The following DMBT1 variants were observed in gnomAD, a reference collection of about 807,000 sequenced individuals.
DMBT1 encodes the protein scavenger receptor cysteine-rich domain-containing protein DMBT1.
DMBT1 carries 198 observed loss-of-function variants against 252.9 expected under a neutral mutation model. The observed-to-expected ratio is 0.78, with a 90% confidence interval of 0.70 to 0.88. The LOEUF is 0.88. Among genes scored for constraint, DMBT1 ranks in the 40% least tolerant of loss-of-function variants. The pLI is 0.00. For missense variants in DMBT1, 2,432 were observed against 2,404.7 expected (o/e 1.01, Z -0.24); for synonymous variants, 990 against 942.7 (o/e 1.05, Z -0.92).
chr10:122,619,432 A>G, intron 42 of DMBT1, 95 bp downstream of exon 42: 1 of 1,522,974 alleles, frequency 6.6e-7, no homozygotes, highest in South Asian at 1.1e-5. Context: ...TTCTGTGCGG[A>G]TACTGTGGGG....
At chr10:122,587,206 C>G (rs2097797524) in intron 16 of DMBT1, among the ~76,000 whole-genome samples, 1 of 148,270 alleles carries the variant, frequency 6.7e-6, no homozygotes, top group Admixed American at 6.7e-5. Context: ...GAGGTGGATG[C>G]AGCACATATA....
intron 41 of DMBT1, among the ~76,000 whole-genome samples, chr10:122,618,824 T>C (rs112046689): frequency 0.058 from 8,897 of 152,346 alleles, 302 homozygotes; most frequent in South Asian, 0.13. Flanking sequence ...GCATGTCTGT[T>C]TGTGTCAGGC....
intron 40 of DMBT1, 30 bp from the exon 41 acceptor site, chr10:122,617,987 T>G (rs1245375926): frequency 1.2e-6 from 2 of 1,610,818 alleles, no homozygotes; most frequent in East Asian, 2.2e-5. Flanking sequence ...CTGGTGGGGA[T>G]GGATGAAGGG....
rs2133650807 is a variant in DMBT1 at position 122,624,878 on chromosome 10, T to C, written c.5609-399T>C. On this transcript the variant is annotated intron_variant, in intron 44 of 55. Transcript: ENST00000338354. ...CCTCCAAGACCTTGGGCCTCTATTT[T>C]AGTGTGTGGTTTTCTCCATGACAAG... Among the ~76,000 whole-genome samples the C allele has an allele frequency of 2.7e-5, 4 of 148,656 alleles. No homozygotes were observed. In the South Asian group the frequency reaches 9.6e-4, roughly 36 times the overall value.
chr10:122,563,671 A>C (rs1591105365), intron 1 of DMBT1, among the ~76,000 whole-genome samples: 1 of 152,170 alleles, frequency 6.6e-6, no homozygotes, highest in Non-Finnish European at 1.5e-5. Flanking sequence ...TGGCAGCTGG[A>C]GTAACCTACA....
intron 55 of DMBT1, among the ~76,000 whole-genome samples, chr10:122,641,768 C>G (rs370059821): frequency 6.6e-6 from 1 of 152,082 alleles, no homozygotes; most frequent in Non-Finnish European, 1.5e-5. Flanking sequence ...GCTGGGAAGA[C>G]GGGGATGTGT....
intron 46 of DMBT1, among the ~76,000 whole-genome samples, chr10:122,629,361 G>T (rs1233454395): frequency 6.6e-6 from 1 of 152,218 alleles, no homozygotes; most frequent in East Asian, 1.9e-4. Context: ...CAGGCTTCTT[G>T]TTGCAGAAAC....
rs764532623 is a variant in DMBT1 at position 122,633,283 on chromosome 10, G to A, written c.6490G>A (p.Val2164Met). The change falls in exon 52 of 56, where the codon GTG becomes ATG. Residue 2164 changes from valine to methionine, a missense_variant. Coordinates refer to ENST00000338354, the MANE Select transcript of DMBT1 (RefSeq NM_001377530.1). ...GAACTATCCAAACAATGCCAAGTGTGTGTGGGACATTGAGGTGCAAAACAA... is the reference window on the plus strand; with the variant it reads ...GAACTATCCAAACAATGCCAAGTGTATGTGGGACATTGAGGTGCAAAACAA... ...PGNYPNNAKCVWDIEVQNNYR... is the reference protein window; with the variant it reads ...PGNYPNNAKCMWDIEVQNNYR... 8.1e-6 allele frequency: 13 copies of A among 1,613,886 alleles called. No homozygotes were observed. The East Asian group carries it at 2.7e-4, about 33-fold the overall frequency.
chr10:122,597,869 GA>G, intron 24 of DMBT1, 104 bp from the exon 25 acceptor site: 1 of 1,556,954 alleles, frequency 6.4e-7, no homozygotes, highest in East Asian at 2.3e-5. Flanking sequence ...GCAGGAACCA[GA>G]AGTGGGGTAG....
At position 122,634,360 on chromosome 10, in the gene DMBT1, CTTTCTTTCTT is replaced by C. The variant is rs750140785; in HGVS notation, c.6548+1021_6548+1030del. Among the ~76,000 whole-genome samples the C allele has an allele frequency of 5.7e-5, 6 of 105,818 alleles. No individual in the cohort carries two copies. In the South Asian group the frequency reaches 9.5e-4, roughly 17 times the overall value. 69.4% of individuals were successfully genotyped at this position (105,818 alleles called of 152,430 possible). ...AGCACTTTTCTTTCTTTCTTTCTTT[CTTTCTTTCTT>C]TCTTTCTTTCTTTCTTTCTTTCTTT... On this transcript the variant is annotated intron_variant, in intron 52 of 55. Transcript: ENST00000338354.
intron 27 of DMBT1, among the ~76,000 whole-genome samples, chr10:122,600,750 T>C (rs1367198294): frequency 6.6e-6 from 1 of 152,116 alleles, no homozygotes; most frequent in Admixed American, 6.6e-5. Flanking sequence ...GGGGGCATCC[T>C]CTAAGAGATA....
intron 43 of DMBT1, among the ~76,000 whole-genome samples, chr10:122,620,696 A>T (rs958785831): frequency 1.3e-5 from 2 of 152,162 alleles, no homozygotes; most frequent in African/African-American, 4.8e-5. Flanking sequence ...GCCAGAGAGG[A>T]TCATGTGGGT....
rs1168433784 is a variant in DMBT1, at chr10:122,633,282, T to C, written c.6489T>C (p.Cys2163=). The C allele has an allele frequency of 3.1e-6, 5 of 1,613,824 alleles. No individual in the cohort carries two copies. Among genetic ancestry groups the C allele is most frequent in the Non-Finnish European group, 4.2e-6 (5 of 1,179,894 alleles). ...YPGNYPNNAK[C]VWDIEVQNNY... ...GGAACTATCCAAACAATGCCAAGTG[T>C]GTGTGGGACATTGAGGTGCAAAACA... is the stretch of plus-strand genomic sequence containing the variant. The change falls in exon 52 of 56, where the codon TGT becomes TGC. Residue 2163 remains cysteine (C), a synonymous_variant. Transcript: ENST00000338354.
chr10:122,619,028 T>A (rs891600321), intron 41 of DMBT1, among the ~76,000 whole-genome samples: 1 of 152,204 alleles, frequency 6.6e-6, no homozygotes, highest in African/African-American at 2.4e-5. Flanking sequence ...ACTCAGGAAC[T>A]GCCAAAACAT....
intron 16 of DMBT1, among the ~76,000 whole-genome samples, chr10:122,587,225 G>T (rs551640844): frequency 3.4e-5 from 5 of 148,568 alleles, no homozygotes; most frequent in Admixed American, 3.3e-4. Flanking sequence ...TAGGCATTGA[G>T]GGAGGGACGG....
intron 6 of DMBT1, among the ~76,000 whole-genome samples, chr10:122,574,831 C>T (rs3013239): frequency 0.69 from 104,442 of 152,026 alleles, 36,086 homozygotes; most frequent in East Asian, 0.77. Flanking sequence ...GCCTGTCACA[C>T]AGGACTGCAG....
intron 3 of DMBT1, among the ~76,000 whole-genome samples, chr10:122,570,598 C>A (rs2097652328): frequency 6.6e-6 from 1 of 152,212 alleles, no homozygotes; most frequent in African/African-American, 2.4e-5. Context: ...GACATTCAAT[C>A]TTGTGACTAG....
intron 6 of DMBT1, among the ~76,000 whole-genome samples, chr10:122,573,968 G>A (rs774667838): frequency 3.9e-5 from 6 of 152,154 alleles, no homozygotes; most frequent in Non-Finnish European, 8.8e-5. Context: ...TTGAAGACGC[G>A]TCTCCAAGGA....
At position 122,599,033 on chromosome 10, in the gene DMBT1, C is replaced by A; in HGVS notation, c.3216C>A (p.Cys1072Ter). The change falls in exon 26 of 56, where the codon TGC becomes TGA. Residue 1072 changes from cysteine (C) to a stop codon, truncating the protein, a stop_gained. Coordinates refer to ENST00000338354, the MANE Select transcript of DMBT1 (RefSeq NM_001377530.1). LOFTEE classifies it high-confidence loss of function. Reference protein sequence around the residue: ...CSGHESYLWSCPHNGWLSHNC... With the variant: ...CSGHESYLWS Reference sequence around the variant, plus strand: ...GACACGAGTCTTACCTGTGGAGCTGCCCCCACAATGGCTGGCTCTCCCACA... The same window carrying A: ...GACACGAGTCTTACCTGTGGAGCTGACCCCACAATGGCTGGCTCTCCCACA... 6.2e-7 allele frequency: 1 copy of A among 1,613,726 alleles called. No homozygotes were observed. Among genetic ancestry groups the A allele is most frequent in the Non-Finnish European group, 8.5e-7 (1 of 1,179,694 alleles).
Sources: gnomAD v4.1 joint callset for allele counts (sites outside exome capture counted in the v4.1 genomes callset) on GRCh38, gnomAD v4.1.1 for gene constraint, MANE v1.5 for transcripts, NCBI Gene and HGNC (gene_info 2026-07-23, HGNC 2026-07-21) for gene names.